Variants in FGD3 observed in about 807,000 individuals in gnomAD.
FGD3 encodes FYVE, RhoGEF and PH domain-containing protein 3.
A neutral mutation model predicts 71.8 loss-of-function variants in FGD3; 45 were observed. The ratio of observed to expected loss-of-function variants is 0.63; its 90% CI spans 0.49 to 0.80. FGD3 has a LOEUF of 0.80. FGD3 is among the 30% of genes least tolerant of loss of function. The probability of loss-of-function intolerance (pLI) is 0.00; values close to 1 mark genes in which losing one functional copy is unlikely to be tolerated. For missense variants in FGD3, 844 were observed against 951.5 expected, an observed-to-expected ratio of 0.89 and a Z score of 1.49; for synonymous variants, 378 against 392.8, an observed-to-expected ratio of 0.96 and a Z score of 0.44.
At chr9:92,953,380 G>A (rs1302627801) in intron 1 of FGD3, among the ~76,000 whole-genome samples, 1 of 152,160 alleles carries the variant, frequency 6.6e-6, no homozygotes, top group Non-Finnish European at 1.5e-5. Context: ...CTCCTGAGTG[G>A]AAAGCTCTCA....
chr9:92,998,508 C>A (rs1462886514), intron 3 of FGD3, among the ~76,000 whole-genome samples: 4 of 152,182 alleles, frequency 2.6e-5, no homozygotes, highest in Non-Finnish European at 5.9e-5. Flanking sequence ...CAGCTTTGTT[C>A]CGTTGCTGGC....
intron 8 of FGD3, among the ~76,000 whole-genome samples, chr9:93,011,473 G>A (rs1421798284): frequency 6.6e-6 from 1 of 152,224 alleles, no homozygotes. Context: ...TCCTTGGTGA[G>A]TTATTTAGCA....
rs1015214651 is a variant in FGD3, at chr9:93,035,864, T to C, written c.*275T>C. On this transcript the variant is annotated 3_prime_UTR_variant, in exon 18 of 18. Coordinates refer to ENST00000375482, the MANE Select transcript of FGD3 (RefSeq NM_001083536.2). ...CGACTGCCAAAGTAACCATCATCCA[T>C]ATGGGCCGTGTGGTGATGCTGGCCC... The C allele has an allele frequency of 2.2e-6, 1 of 446,366 alleles. No homozygotes were observed. The highest frequency in any genetic ancestry group is 4.0e-6 in the Non-Finnish European group (1 of 252,094). The allele number at this position is 446,366 out of a possible 1,614,324, so 27.7% of individuals were successfully genotyped here.
chr9:92,997,541 G>A (rs1467759045), intron 3 of FGD3, among the ~76,000 whole-genome samples: 3 of 152,120 alleles, frequency 2.0e-5, no homozygotes, highest in African/African-American at 4.8e-5. Context: ...TATTTTGCTC[G>A]TTAGTTGATG....
At chr9:92,956,469 G>T (rs1859051994) in intron 1 of FGD3, among the ~76,000 whole-genome samples, 1 of 152,202 alleles carries the variant, frequency 6.6e-6, no homozygotes, top group Non-Finnish European at 1.5e-5. Flanking sequence ...GAGAGTGGGT[G>T]CTGATCTGTC....
At chr9:92,973,549 C>T (rs1412057790) in intron 1 of FGD3, among the ~76,000 whole-genome samples, 1 of 152,160 alleles carries the variant, frequency 6.6e-6, no homozygotes, top group Non-Finnish European at 1.5e-5. Flanking sequence ...GGACTTCTTC[C>T]TGTTAAGTTT....
At chr9:93,000,086 T>G (rs527973114) in intron 3 of FGD3, among the ~76,000 whole-genome samples, 78 of 152,182 alleles carry the variant, frequency 5.1e-4, no homozygotes, top group Non-Finnish European at 9.1e-4. Context: ...TATTTCTTTC[T>G]CATTTCCTTT....
chr9:93,017,120 T>G (rs797002137), intron 10 of FGD3, among the ~76,000 whole-genome samples: 21 of 152,078 alleles, frequency 1.4e-4, no homozygotes, highest in African/African-American at 5.1e-4. Flanking sequence ...AATAAAAAAT[T>G]AGCCAGGCAT....
chr9:93,013,595 A>G (rs1861531305), intron 8 of FGD3, among the ~76,000 whole-genome samples: 1 of 152,244 alleles, frequency 6.6e-6, no homozygotes, highest in Admixed American at 6.5e-5. Context: ...AACATGTATC[A>G]TGTAGAACAG....
At chr9:92,994,038 C>T (rs1860529698) in intron 3 of FGD3, among the ~76,000 whole-genome samples, 2 of 152,208 alleles carry the variant, frequency 1.3e-5, no homozygotes, top group South Asian at 4.1e-4. Flanking sequence ...GAGGAATCGC[C>T]ACACTGTCTT....
chr9:92,966,393 G>T (rs1859327312), intron 1 of FGD3, among the ~76,000 whole-genome samples: 1 of 152,234 alleles, frequency 6.6e-6, no homozygotes, highest in Admixed American at 6.5e-5. Flanking sequence ...CTGCCTGCCG[G>T]TGAGTGTCCC....
intron 1 of FGD3, among the ~76,000 whole-genome samples, chr9:92,959,584 G>A (rs1393204163): frequency 6.6e-6 from 1 of 151,796 alleles, no homozygotes; most frequent in East Asian, 1.9e-4. Flanking sequence ...CCACACACCT[G>A]TGGTCCCAGA....
intron 3 of FGD3, among the ~76,000 whole-genome samples, chr9:92,989,638 G>C (rs1228465561): frequency 6.6e-6 from 1 of 152,206 alleles, no homozygotes; most frequent in Non-Finnish European, 1.5e-5. Flanking sequence ...AGGGGAGAAA[G>C]GGAAGGTATG....
At position 93,003,133 on chromosome 9, in the gene FGD3, T is replaced by C. The variant is rs547392364; in HGVS notation, c.543+119T>C. ...ACAAATTTAAGTCTGGTCTACAAAC[T>C]TTTTTTTTTTTTTGAGACAAAGTCT... On this transcript the variant is annotated intron_variant, in intron 4 of 17. Transcript: ENST00000375482. This position sits in a 1 kb window ranked among gnomAD's most constrained non-coding sequence, Gnocchi z 4.1. 23 of 217,348 alleles carry C rather than the reference T, an allele frequency of 1.1e-4. No homozygotes were observed. The highest frequency in any genetic ancestry group is 4.9e-4 in the African/African-American group (20 of 40,902). 13.5% of individuals were successfully genotyped at this position (217,348 alleles called of 1,614,324 possible).
chr9:93,003,011 C>T lies in FGD3; in HGVS notation c.540C>T (p.Asp180=). The T allele has an allele frequency of 6.2e-7, 1 of 1,614,118 alleles. No homozygotes were observed. The highest frequency in any genetic ancestry group is 8.5e-7 in the Non-Finnish European group (1 of 1,179,994). ...ATGTGAAGCGGCTGCACCTGCTGGACCAGGTAGCCCACATGGCTTGGGGGC... is the reference window on the plus strand; with the variant it reads ...ATGTGAAGCGGCTGCACCTGCTGGATCAGGTAGCCCACATGGCTTGGGGGC... ...ETYVKRLHLL[D]QVFCTRLTDA... Residue 180 remains aspartate (D), a synonymous_variant, in exon 4 of 18, where the codon GAC becomes GAT. Transcript: ENST00000375482. The surrounding 1 kb of genome is among the most constrained non-coding windows in gnomAD (Gnocchi z 4.1).
At chr9:92,984,654 A>G (rs10992564) in intron 3 of FGD3, among the ~76,000 whole-genome samples, 90,437 of 151,936 alleles carry the variant, frequency 0.6, 27,127 homozygotes, top group South Asian at 0.67. Flanking sequence ...AGAGATAAAG[A>G]TGAATTCAGA....
intron 17 of FGD3, 119 bp downstream of exon 17, chr9:93,034,800 G>C (rs1862527219): frequency 1.7e-6 from 2 of 1,172,168 alleles, no homozygotes; most frequent in African/African-American, 3.1e-5. Context: ...TGTTACCTGG[G>C]GCCTCAGTTT....
chr9:92,977,420 A>T (rs1199822571), intron 3 of FGD3, among the ~76,000 whole-genome samples: 4 of 152,052 alleles, frequency 2.6e-5, no homozygotes, highest in Non-Finnish European at 5.9e-5. Context: ...GTAAGTTGCC[A>T]AGTGACCAGG....
intron 3 of FGD3, among the ~76,000 whole-genome samples, chr9:92,980,576 G>A (rs1196401396): frequency 6.7e-6 from 1 of 150,142 alleles, no homozygotes; most frequent in African/African-American, 2.5e-5. Flanking sequence ...TTTTTTTAAT[G>A]TACGTATTTA....
Sources: allele counts gnomAD v4.1 joint callset (sites outside exome capture counted in the v4.1 genomes callset), GRCh38; gene constraint gnomAD v4.1.1; non-coding constraint Gnocchi (gnomAD v3.1); transcripts MANE v1.5; gene names NCBI Gene and HGNC (gene_info 2026-07-23, HGNC 2026-07-21).